Variants in UIMC1 observed in about 807,000 individuals in gnomAD.
UIMC1 encodes the protein BRCA1-A complex subunit RAP80.
Under a neutral mutation model 84.9 loss-of-function variants are expected in UIMC1, and 42 were observed. That is an observed-to-expected ratio of 0.49 (90% CI 0.39 to 0.64). UIMC1 has a LOEUF of 0.64. UIMC1 is among the 30% of genes least tolerant of loss of function. The pLI, the probability that UIMC1 is intolerant of heterozygous loss-of-function variation, is 0.00. For missense variants in UIMC1, 825 were observed against 847.6 expected (o/e 0.97, Z 0.33); for synonymous variants, 281 against 293.0 (o/e 0.96, Z 0.42).
intron 1 of UIMC1, among the ~76,000 whole-genome samples, chr5:176,992,275 T>A (rs968932126): frequency 6.6e-6 from 1 of 152,034 alleles, no homozygotes; most frequent in Admixed American, 6.6e-5. Flanking sequence ...CTTGGAAAAA[T>A]TTTTATATTT....
intron 3 of UIMC1, among the ~76,000 whole-genome samples, chr5:176,974,738 G>A (rs1275015780): frequency 1.3e-5 from 2 of 151,930 alleles, no homozygotes; most frequent in Non-Finnish European, 2.9e-5. Flanking sequence ...TTATGAACCC[G>A]GGAGGCAGAG....
In UIMC1 at chr5:176,947,792, G is replaced by A. The variant is rs533992529; in HGVS notation, c.1443+3682C>T. 1.0e-3 allele frequency among the ~76,000 whole-genome samples: 152 copies of A among 151,604 alleles called. 1 individual carries two copies. The South Asian group carries it at 0.03, about 30-fold the overall frequency. On this transcript the variant is annotated intron_variant, in intron 9 of 14. Coordinates refer to ENST00000511320, the MANE Select transcript of UIMC1 (RefSeq NM_001199298.2). Reference sequence around the variant, plus strand: ...GATTGCGCCACTGCACTCCAGCCTAGGCAACAGGGTGAGACTCCATCTCAA... The same window carrying A: ...GATTGCGCCACTGCACTCCAGCCTAAGCAACAGGGTGAGACTCCATCTCAA...
At chr5:176,920,453 AT>A (rs1377807762) in intron 10 of UIMC1, among the ~76,000 whole-genome samples, 2 of 152,154 alleles carry the variant, frequency 1.3e-5, no homozygotes, top group African/African-American at 4.8e-5. Context: ...GTCTTATTTA[AT>A]TTCTTTCAAC....
intron 1 of UIMC1, among the ~76,000 whole-genome samples, chr5:176,986,796 T>C (rs1264464617): frequency 6.6e-6 from 1 of 152,108 alleles, no homozygotes; most frequent in Non-Finnish European, 1.5e-5. Flanking sequence ...TCATTGAACA[T>C]TATACTTAGG....
At position 176,907,105 on chromosome 5, in the gene UIMC1, G is replaced by C; in HGVS notation, c.1912+9C>G. 1 of 1,613,614 alleles carries C rather than the reference G, an allele frequency of 6.2e-7. No individual in the cohort carries two copies. The highest frequency in any genetic ancestry group is 1.1e-5 in the South Asian group (1 of 90,948). ...CAGAAGCCCAGAAAACTGGTCCTGG[G>C]GTCCTCACCTGAAGTCTTGTGCTCA... On this transcript the variant is annotated intron_variant, in intron 13 of 14. Coordinates refer to ENST00000511320, the MANE Select transcript of UIMC1 (RefSeq NM_001199298.2).
intron 10 of UIMC1, among the ~76,000 whole-genome samples, chr5:176,929,761 C>T (rs1463849858): frequency 6.6e-6 from 1 of 152,044 alleles, no homozygotes; most frequent in Non-Finnish European, 1.5e-5. Context: ...ACACAAAGTC[C>T]TTTTGCAAGA....
At chr5:177,005,564 C>T (rs1775132746) in intron 1 of UIMC1, among the ~76,000 whole-genome samples, 1 of 151,594 alleles carries the variant, frequency 6.6e-6, no homozygotes, top group South Asian at 2.1e-4. Context: ...ATCACAACAA[C>T]TCTGCGTCGT....
intron 10 of UIMC1, among the ~76,000 whole-genome samples, chr5:176,916,156 T>C (rs1760956903): frequency 6.6e-6 from 1 of 152,214 alleles, no homozygotes. Context: ...AGGGTTGAGA[T>C]AGCTATTTAA....
At chr5:176,992,437 C>A (rs1773009961) in intron 1 of UIMC1, among the ~76,000 whole-genome samples, 1 of 147,816 alleles carries the variant, frequency 6.8e-6, no homozygotes, top group African/African-American at 2.5e-5. Flanking sequence ...CGAGCCTCAG[C>A]AACATAGTGA....
chr5:176,949,533 A>G (rs1457403178), intron 9 of UIMC1, among the ~76,000 whole-genome samples: 1 of 152,212 alleles, frequency 6.6e-6, no homozygotes, highest in African/African-American at 2.4e-5. Context: ...CTGAGAAAAC[A>G]ATCCAGAGGC....
At position 176,908,579 on chromosome 5, in the gene UIMC1, C is replaced by G; in HGVS notation, c.1792G>C (p.Gly598Arg). 1.2e-6 allele frequency: 2 copies of G among 1,614,158 alleles called. No homozygotes were observed. Among genetic ancestry groups the G allele is most frequent in the Non-Finnish European group, 1.7e-6 (2 of 1,180,012 alleles). ...ADQGDGPEGS[G>R]RACSTVEGKW... ...CCCTCCACAGTTGAACATGCTCTTC[C>G]ACTCCCTTCAGGTCCATCTCCTTGG... Residue 598 changes from glycine to arginine, a missense_variant, in exon 12 of 15, where the codon GGA becomes CGA. Coordinates refer to ENST00000511320, the MANE Select transcript of UIMC1 (RefSeq NM_001199298.2).
chr5:176,953,297 TTC>T (rs1400042139), intron 8 of UIMC1, among the ~76,000 whole-genome samples: 1 of 152,084 alleles, frequency 6.6e-6, no homozygotes, highest in African/African-American at 2.4e-5. Context: ...ATCCAGTAAG[TTC>T]TCTGTTATCT....
intron 9 of UIMC1, among the ~76,000 whole-genome samples, chr5:176,950,671 A>G (rs1765758970): frequency 6.6e-6 from 1 of 151,682 alleles, no homozygotes; most frequent in South Asian, 2.1e-4. Flanking sequence ...GGAGTTCAAT[A>G]CCAGCCTGGC....
chr5:176,957,661 T>A (rs936623550), intron 7 of UIMC1, among the ~76,000 whole-genome samples: 2 of 152,066 alleles, frequency 1.3e-5, no homozygotes, highest in African/African-American at 4.8e-5. Context: ...TTAAAAGATG[T>A]ATAAGGTTTA....
At chr5:176,997,011 G>A (rs753028573) in intron 1 of UIMC1, among the ~76,000 whole-genome samples, 16 of 152,184 alleles carry the variant, frequency 1.1e-4, no homozygotes, top group African/African-American at 3.6e-4. Flanking sequence ...CCTGCTCAGC[G>A]GGATCTATGT....
intron 13 of UIMC1, 76 bp from the exon 14 acceptor site, chr5:176,906,123 T>C: frequency 2.0e-6 from 3 of 1,468,484 alleles, no homozygotes; most frequent in Non-Finnish European, 2.8e-6. Context: ...ATCTTTTGCT[T>C]CCGTGCTCTA....
At chr5:176,983,986 G>A (rs1227505980) in intron 1 of UIMC1, among the ~76,000 whole-genome samples, 2 of 119,320 alleles carry the variant, frequency 1.7e-5, no homozygotes, top group African/African-American at 3.3e-5. Flanking sequence ...AGTGAGGAGC[G>A]CCTCTGCCCG....
chr5:176,989,216 A>C (rs1385960182), intron 1 of UIMC1, among the ~76,000 whole-genome samples: 1 of 152,166 alleles, frequency 6.6e-6, no homozygotes, highest in Non-Finnish European at 1.5e-5. Context: ...TTAAAGGATT[A>C]AAAAATTCTA....
At chr5:176,971,950 T>C in intron 3 of UIMC1, among the ~76,000 whole-genome samples, 1 of 152,170 alleles carries the variant, frequency 6.6e-6, no homozygotes, top group Admixed American at 6.6e-5. Context: ...TTCATACTAA[T>C]ATTTTTTAAA....
Sources: allele counts gnomAD v4.1 joint callset (sites outside exome capture counted in the v4.1 genomes callset), GRCh38; gene constraint gnomAD v4.1.1; transcripts MANE v1.5; gene names NCBI Gene and HGNC (gene_info 2026-07-23, HGNC 2026-07-21).